The following SV2C variants were observed in gnomAD, a reference collection of about 807,000 sequenced individuals.
The protein encoded by SV2C is synaptic vesicle glycoprotein 2C, also known as solute carrier family 22 member B3.
SV2C carries 49 observed loss-of-function variants against 79.7 expected under a neutral mutation model. The ratio of observed to expected loss-of-function variants is 0.61; its 90% CI spans 0.49 to 0.78. The LOEUF (loss-of-function observed/expected upper bound fraction) is 0.78. SV2C is among the 30% of genes least tolerant of loss of function. SV2C has a pLI of 0.00. For synonymous variants in SV2C, 334 were observed against 333.2 expected (o/e 1.00, Z -0.03); for missense variants, 833 against 912.9 (o/e 0.91, Z 1.13).
chr5:76,217,779 A>G lies in SV2C; in HGVS notation c.913+7892A>G, dbSNP rs111380710. On this transcript the variant is annotated intron_variant, in intron 4 of 12. Coordinates refer to ENST00000502798, the MANE Select transcript of SV2C (RefSeq NM_014979.4). The stretch of plus-strand genomic sequence containing the variant: ...GAAAAAAAAAAGGATAGAAGCTAAG[A>G]TAAAAGAGAACCAAGGTATTAAAAC... Among the ~76,000 whole-genome samples, 7 of 152,292 alleles carry G rather than the reference A, an allele frequency of 4.6e-5. No homozygotes were observed. In the East Asian group the frequency reaches 9.6e-4, roughly 21 times the overall value.
chr5:76,081,080 AG>A (rs1746980146), upstream of SV2C, among the ~76,000 whole-genome samples: 1 of 152,242 alleles, frequency 6.6e-6, no homozygotes, highest in African/African-American at 2.4e-5. Flanking sequence ...AATCACAATC[AG>A]GGATTTTCCT....
At chr5:75,891,424 TA>T in the SV2C span, among the ~76,000 whole-genome samples, 1 of 152,248 alleles carries the variant, frequency 6.6e-6, no homozygotes, top group South Asian at 2.1e-4. Context: ...TTTCTAGGTT[TA>T]TTTGAGGAAA....
At chr5:76,049,194 A>C in the SV2C span, among the ~76,000 whole-genome samples, 2 of 151,720 alleles carry the variant, frequency 1.3e-5, no homozygotes, top group Non-Finnish European at 1.5e-5. Context: ...AAAATTAGCT[A>C]GGCGTGGTAG....
At chr5:75,935,836 G>T in the SV2C span, among the ~76,000 whole-genome samples, 2 of 152,078 alleles carry the variant, frequency 1.3e-5, no homozygotes, top group African/African-American at 4.8e-5. Flanking sequence ...CATAGCTACA[G>T]GTTTTCTATT....
chr5:75,875,219 G>A, the SV2C span, among the ~76,000 whole-genome samples: 181 of 152,120 alleles, frequency 1.2e-3, 1 homozygote, highest in African/African-American at 3.5e-3. Flanking sequence ...CACAGTACTG[G>A]TACAAAAAAA....
intron 12 of SV2C, among the ~76,000 whole-genome samples, 161 bp downstream of exon 12, chr5:76,301,706 C>T (rs530123703): frequency 1.3e-5 from 2 of 152,028 alleles, no homozygotes; most frequent in East Asian, 1.9e-4. Flanking sequence ...GTCAGGAGTT[C>T]GAGACCAGCC....
At chr5:76,001,471 G>T in the SV2C span, among the ~76,000 whole-genome samples, 2 of 151,936 alleles carry the variant, frequency 1.3e-5, no homozygotes, top group South Asian at 4.2e-4. Flanking sequence ...GCGTGGTGGT[G>T]GGCACCTGTG....
chr5:76,262,536 G>A (rs1746508502), intron 4 of SV2C, among the ~76,000 whole-genome samples: 1 of 152,008 alleles, frequency 6.6e-6, no homozygotes, highest in African/African-American at 2.4e-5. Flanking sequence ...TCGATTTTAA[G>A]GGATCTTTCC....
chr5:76,282,530 G>A (rs1747229738), intron 4 of SV2C, among the ~76,000 whole-genome samples: 1 of 152,230 alleles, frequency 6.6e-6, no homozygotes, highest in African/African-American at 2.4e-5. Context: ...TTTTGTGATT[G>A]TCTATTGTTT....
the SV2C span, among the ~76,000 whole-genome samples, chr5:76,073,538 TATATATAC>T: frequency 5.7e-4 from 71 of 124,520 alleles, no homozygotes; most frequent in African/African-American, 1.8e-3. Context: ...TATATATATA[TATATATAC>T]ACCATGGAAT....
chr5:76,045,496 C>A, the SV2C span, among the ~76,000 whole-genome samples: 1 of 152,090 alleles, frequency 6.6e-6, no homozygotes, highest in African/African-American at 2.4e-5. Flanking sequence ...CTATAAATTA[C>A]CTTGGGCAGT....
At chr5:76,073,138 G>A in the SV2C span, among the ~76,000 whole-genome samples, 2 of 151,966 alleles carry the variant, frequency 1.3e-5, no homozygotes, top group African/African-American at 2.4e-5. Context: ...ATTTGTGCTC[G>A]GTTTCTTGGT....
chr5:76,210,207 C>T (rs1411555770), intron 4 of SV2C, among the ~76,000 whole-genome samples: 1 of 152,184 alleles, frequency 6.6e-6, no homozygotes, highest in African/African-American at 2.4e-5. Context: ...GGGTGTGCTA[C>T]AATTTAACTC....
intron 2 of SV2C, among the ~76,000 whole-genome samples, chr5:76,138,486 A>G (rs767767452): frequency 6.6e-6 from 1 of 152,206 alleles, no homozygotes; most frequent in African/African-American, 2.4e-5. Flanking sequence ...TTAATAGAAG[A>G]TATCACCTGT....
chr5:76,108,367 AGAG>A (rs1230035092), intron 1 of SV2C, among the ~76,000 whole-genome samples: 30 of 152,226 alleles, frequency 2.0e-4, no homozygotes, highest in Admixed American at 3.3e-4. Flanking sequence ...TAGGGATAAA[AGAG>A]GACACAAGAA....
At chr5:76,199,745 T>C (rs1271500434) in intron 3 of SV2C, among the ~76,000 whole-genome samples, 1 of 152,226 alleles carries the variant, frequency 6.6e-6, no homozygotes, top group Non-Finnish European at 1.5e-5. Flanking sequence ...GTGAAATAGA[T>C]AGGAAGCCTA....
chr5:76,287,675 T>C (rs543767330), intron 6 of SV2C, among the ~76,000 whole-genome samples: 1 of 152,350 alleles, frequency 6.6e-6, no homozygotes, highest in East Asian at 1.9e-4. Flanking sequence ...CCTCCATCTC[T>C]AGTTACAAAG....
chr5:75,986,186 A>G, the SV2C span, among the ~76,000 whole-genome samples: 1 of 150,640 alleles, frequency 6.6e-6, no homozygotes, highest in Non-Finnish European at 1.5e-5. Context: ...TGTGAATGTT[A>G]CCTTGTATGC....
chr5:76,166,701 CTA>C (rs1258811612), intron 2 of SV2C, among the ~76,000 whole-genome samples: 16 of 152,288 alleles, frequency 1.1e-4, no homozygotes, highest in Admixed American at 6.5e-5. Flanking sequence ...CTGAATGCAG[CTA>C]TGTTTGGCCC....
Sources: allele counts gnomAD v4.1 joint callset (sites outside exome capture counted in the v4.1 genomes callset), GRCh38; gene constraint gnomAD v4.1.1; transcripts MANE v1.5; gene names NCBI Gene and HGNC (gene_info 2026-07-23, HGNC 2026-07-21).